Variants in RPGRIP1L observed in about 807,000 individuals in gnomAD.
RPGRIP1L encodes the protein RPGRIP1 like.
In RPGRIP1L, 131 loss-of-function variants were observed where a neutral mutation model predicts 160.4. The observed-to-expected ratio is 0.82, with a 90% CI of 0.71 to 0.94. The LOEUF (loss-of-function observed/expected upper bound fraction) is 0.94. Among genes scored for constraint, RPGRIP1L ranks in the 40% least tolerant of loss-of-function variants. The pLI, the probability that RPGRIP1L is intolerant of heterozygous loss-of-function variation, is 0.00. For missense variants in RPGRIP1L, 1,522 were observed against 1,535.8 expected (o/e 0.99, Z 0.15); for synonymous variants, 510 against 515.8 (o/e 0.99, Z 0.15).
chr16:53,655,473 C>A (rs528901372), intron 14 of RPGRIP1L: 1 of 152,020 alleles, frequency 6.6e-6, no homozygotes, highest in Non-Finnish European at 1.5e-5. Flanking sequence ...AAATATGGTA[C>A]GTAGTGGACG....
chr16:53,602,494 G>T (rs1330603509), intron 26 of RPGRIP1L, among the ~76,000 whole-genome samples: 1 of 152,254 alleles, frequency 6.6e-6, no homozygotes, highest in South Asian at 2.1e-4. Context: ...TTAAGCTACT[G>T]GACGGGCATG....
At position 53,648,626 on chromosome 16, in the gene RPGRIP1L, G is replaced by GCGCGCA. The variant is rs1555602385; in HGVS notation, c.2304+337_2304+338insTGCGCG. On this transcript the variant is annotated intron_variant, in intron 16 of 26. Transcript: ENST00000647211. ...TACGTACGCGCGTGCGCGCGCGCGC[G>GCGCGCA]CACACACACACACACACACACACAC... Among the ~76,000 whole-genome samples, 912 of 144,050 alleles carry GCGCGCA rather than the reference G, an allele frequency of 6.3e-3. 5 individuals carry two copies. The highest frequency in any genetic ancestry group is 8.6e-3 in the Non-Finnish European group (571 of 66,318). The allele number at this position is 144,050 out of a possible 152,430, so 94.5% of individuals were successfully genotyped here. A position where few individuals can be genotyped will look rare whatever the true frequency, so the allele number is the denominator to read the frequency against.
chr16:53,610,103 C>T (rs928489369), intron 25 of RPGRIP1L, among the ~76,000 whole-genome samples: 8 of 151,824 alleles, frequency 5.3e-5, no homozygotes, highest in Non-Finnish European at 1.2e-4. Context: ...GTACTCAAGC[C>T]GAGGGAGGAC....
rs1163037852 is a variant in RPGRIP1L, at chr16:53,692,058, T to G, written c.529+8A>C. 1 of 1,613,676 alleles carries G rather than the reference T, an allele frequency of 6.2e-7. No individual in the cohort carries two copies. The highest frequency in any genetic ancestry group is 1.3e-5 in the African/African-American group (1 of 74,932). ...TTCAGTTTAGATTTAACGTAAGCTTTGTTTTACCTTTCCTGGGGCATTCCT... is the reference window on the plus strand; with the variant it reads ...TTCAGTTTAGATTTAACGTAAGCTTGGTTTTACCTTTCCTGGGGCATTCCT... On this transcript the variant is annotated splice_region_variant and intron_variant, in intron 4 of 26. Coordinates refer to ENST00000647211, the MANE Select transcript of RPGRIP1L (RefSeq NM_015272.5).
At chr16:53,678,767 C>T (rs1969392949) in intron 6 of RPGRIP1L, among the ~76,000 whole-genome samples, 1 of 152,116 alleles carries the variant, frequency 6.6e-6, no homozygotes, top group Non-Finnish European at 1.5e-5. Context: ...GTAATAGTTA[C>T]AGGCTGACCA....
intron 6 of RPGRIP1L, among the ~76,000 whole-genome samples, chr16:53,679,443 C>A (rs528270958): frequency 2.6e-5 from 4 of 151,898 alleles, no homozygotes; most frequent in African/African-American, 9.7e-5. Context: ...ACTCTGTCAC[C>A]GACGATGGAG....
rs372607420 is a variant in RPGRIP1L at position 53,648,279 on chromosome 16, T to C, written c.2304+685A>G. Among the ~76,000 whole-genome samples, 5 of 152,052 alleles carry C rather than the reference T, an allele frequency of 3.3e-5. No homozygotes were observed. In the East Asian group the frequency reaches 7.7e-4, roughly 23 times the overall value. On this transcript the variant is annotated intron_variant, in intron 16 of 26. Coordinates refer to ENST00000647211, the MANE Select transcript of RPGRIP1L (RefSeq NM_015272.5). ...CATTGGGAAATGCCACCCTGAGGAA[T>C]TGCATTTAAATTCCAAGTTCCCAGA...
At chr16:53,666,767 A>G (rs1457859411) in intron 9 of RPGRIP1L, among the ~76,000 whole-genome samples, 1 of 152,178 alleles carries the variant, frequency 6.6e-6, no homozygotes, top group Non-Finnish European at 1.5e-5. Context: ...CAAAAAGATC[A>G]CCAACAGCTA....
chr16:53,634,273 C>G (rs1965696482), intron 22 of RPGRIP1L, among the ~76,000 whole-genome samples: 1 of 152,170 alleles, frequency 6.6e-6, no homozygotes, highest in Admixed American at 6.5e-5. Flanking sequence ...GGCCATATTT[C>G]TTAATAATGT....
chr16:53,680,578 A>G (rs998179923), intron 6 of RPGRIP1L, among the ~76,000 whole-genome samples: 2 of 152,130 alleles, frequency 1.3e-5, no homozygotes, highest in African/African-American at 4.8e-5. Context: ...AAAAAGACCA[A>G]GCTGCAAAAG....
At chr16:53,703,028 C>T (rs1971594136) in intron 1 of RPGRIP1L, among the ~76,000 whole-genome samples, 1 of 152,096 alleles carries the variant, frequency 6.6e-6, no homozygotes, top group East Asian at 1.9e-4. Context: ...CAGCACTTTG[C>T]GAGGCCGAGA....
intron 6 of RPGRIP1L, among the ~76,000 whole-genome samples, chr16:53,678,413 C>T (rs981504450): frequency 6.6e-6 from 1 of 152,056 alleles, no homozygotes; most frequent in African/African-American, 2.4e-5. Context: ...AATCCAGAAA[C>T]CTAAAACCTC....
rs1413675080 is a variant in RPGRIP1L, at chr16:53,653,076, C to G, written c.1700-89G>C. The stretch of plus-strand genomic sequence containing the variant: ...TTTTGAAGTGTAAGAATGAGTACTT[C>G]TGGTGAACAGTCTCTATTTTAAATT... On this transcript the variant is annotated intron_variant, in intron 14 of 26. Transcript: ENST00000647211. The G allele has an allele frequency of 3.1e-5, 33 of 1,064,002 alleles. No homozygotes were observed. In the Admixed American group the frequency reaches 6.1e-4, roughly 20 times the overall value. 65.9% of individuals were successfully genotyped at this position (1,064,002 alleles called of 1,614,324 possible).
intron 16 of RPGRIP1L, among the ~76,000 whole-genome samples, chr16:53,646,849 T>C (rs1232718387): frequency 6.6e-6 from 1 of 152,110 alleles, no homozygotes; most frequent in African/African-American, 2.4e-5. Flanking sequence ...GAGGAAAAAA[T>C]AAAGCTGTTG....
chr16:53,632,952 T>G (rs932907376), intron 22 of RPGRIP1L, among the ~76,000 whole-genome samples: 1 of 152,164 alleles, frequency 6.6e-6, no homozygotes, highest in African/African-American at 2.4e-5. Flanking sequence ...ACTATGCATT[T>G]TAATTGTGTT....
chr16:53,623,280 G>A (rs970382324), intron 22 of RPGRIP1L, among the ~76,000 whole-genome samples: 2 of 152,168 alleles, frequency 1.3e-5, no homozygotes, highest in African/African-American at 2.4e-5. Flanking sequence ...GTAGCCGATT[G>A]ATGAGCGTTA....
At chr16:53,618,034 T>C (rs12596537) in intron 24 of RPGRIP1L, among the ~76,000 whole-genome samples, 2 of 152,228 alleles carry the variant, frequency 1.3e-5, no homozygotes, top group Non-Finnish European at 2.9e-5. Context: ...AGCCTGATAT[T>C]ATTTTTTATT....
rs528890619 is a variant in RPGRIP1L at position 53,684,510 on chromosome 16, G to A, written c.776+1923C>T. ...TCGCAAGGACAAAAAACCAAACACC[G>A]CATGTTCTCACTCATAGGTGGGAAT... On this transcript the variant is annotated intron_variant, in intron 6 of 26. Transcript: ENST00000647211. Among the ~76,000 whole-genome samples, 1,018 of 151,336 alleles carry A rather than the reference G, an allele frequency of 6.7e-3. 10 individuals carry two copies. Among genetic ancestry groups the A allele is most frequent in the South Asian group, 0.022 (104 of 4,796 alleles).
chr16:53,677,789 T>C (rs982517035), intron 6 of RPGRIP1L, among the ~76,000 whole-genome samples: 11 of 152,154 alleles, frequency 7.2e-5, no homozygotes, highest in Non-Finnish European at 1.3e-4. Context: ...AGGTTGGTAT[T>C]TGAAGAATAG....
Sources: gnomAD v4.1 joint callset for allele counts (sites outside exome capture counted in the v4.1 genomes callset) on GRCh38, gnomAD v4.1.1 for gene constraint, MANE v1.5 for transcripts, NCBI Gene and HGNC (gene_info 2026-07-23, HGNC 2026-07-21) for gene names.